Variants in CBLIF observed in about 807,000 individuals in gnomAD.
CBLIF encodes gastric intrinsic factor (vitamin B synthesis).
Under a neutral mutation model 44.9 loss-of-function variants are expected in CBLIF, and 24 were observed. The observed-to-expected ratio is 0.53, with a 90% CI of 0.39 to 0.75. The LOEUF (loss-of-function observed/expected upper bound fraction) is 0.75. CBLIF is among the 30% of genes least tolerant of loss of function. The pLI is 0.00. For synonymous variants in CBLIF, 183 were observed against 190.9 expected (o/e 0.96, Z 0.34); for missense variants, 481 against 513.0 (o/e 0.94, Z 0.60).
At chr11:59,842,821 G>A in intron 3 of CBLIF, 1 of 645,308 alleles carries the variant, frequency 1.5e-6, no homozygotes, top group Non-Finnish European at 2.8e-6. Context: ...ACAAGCTTGT[G>A]TCCTTGGGAT....
Position 59,835,356 on chromosome 11 carries a change from A to T in CBLIF, c.1073+452T>A, listed in dbSNP as rs12099236. ...GACGGGGTTTCACCATGTTGGTGAA[A>T]CTCCTGAGCTAAGATGATCCGCATG... On this transcript the variant is annotated intron_variant, in intron 7 of 8. Transcript: ENST00000257248. Among the ~76,000 whole-genome samples the T allele has an allele frequency of 6.9e-4, 103 of 149,612 alleles. 2 individuals carry two copies. The East Asian group carries it at 0.016, about 23-fold the overall frequency.
At chr11:59,838,814 AAGTTTATC>A (rs1866486438) in intron 5 of CBLIF, among the ~76,000 whole-genome samples, 1 of 151,712 alleles carries the variant, frequency 6.6e-6, no homozygotes, top group African/African-American at 2.4e-5. Flanking sequence ...TTCCATCAAG[AAGTTTATC>A]AGTTCTCTTT....
intron 5 of CBLIF, among the ~76,000 whole-genome samples, chr11:59,838,665 C>G (rs890722929): frequency 6.6e-6 from 1 of 152,118 alleles, no homozygotes; most frequent in African/African-American, 2.4e-5. Context: ...GGGTGCTCCT[C>G]AGCAACAATA....
At chr11:59,843,241 G>A (rs1253310774) in intron 2 of CBLIF, 100 bp from the exon 3 acceptor site, 2 of 747,040 alleles carry the variant, frequency 2.7e-6, no homozygotes, top group African/African-American at 3.5e-5. Context: ...AGAGCATTTT[G>A]ACTTTTTAAT....
intron 5 of CBLIF, among the ~76,000 whole-genome samples, chr11:59,837,878 A>G (rs1424466068): frequency 6.6e-6 from 1 of 152,188 alleles, no homozygotes; most frequent in East Asian, 1.9e-4. Context: ...ACATGTACTA[A>G]TCAGAATCAT....
chr11:59,842,534 C>T lies in CBLIF; in HGVS notation c.420G>A (p.Leu140=). ...CCTCAGAGTTCTTCTGGCACAGTGC[C>T]AAGATCGCTAGACTGGGCCCATAGA... The part of the protein sequence containing the change: ...SAFYGPSLAI[L]ALCQKNSEAT... The change falls in exon 4 of 9, where the codon TTG becomes TTA. Residue 140 remains leucine (L), a synonymous_variant. Coordinates refer to ENST00000257248, the MANE Select transcript of CBLIF (RefSeq NM_005142.3). 1.2e-6 allele frequency: 2 copies of T among 1,613,936 alleles called. No homozygotes were observed. The highest frequency in any genetic ancestry group is 1.7e-6 in the Non-Finnish European group (2 of 1,179,976).
chr11:59,829,344 T>G lies in CBLIF; in HGVS notation c.*140A>C. On this transcript the variant is annotated 3_prime_UTR_variant, in exon 9 of 9. Transcript: ENST00000257248. ...TCCAGTGAACTTTGCATTTTTATTC[T>G]ACATAGTGGTTCTCCATGTTTTTAC... is the stretch of plus-strand genomic sequence containing the variant. The G allele has an allele frequency of 1.5e-6, 1 of 681,380 alleles. No homozygotes were observed. Among genetic ancestry groups the G allele is most frequent in the South Asian group, 1.5e-5 (1 of 65,470 alleles). 42.2% of individuals were successfully genotyped at this position (681,380 alleles called of 1,614,324 possible). A position where few individuals can be genotyped will look rare whatever the true frequency, so the allele number is the denominator to read the frequency against.
intron 7 of CBLIF, among the ~76,000 whole-genome samples, chr11:59,835,506 T>A (rs548796868): frequency 2.0e-5 from 3 of 152,320 alleles, no homozygotes; most frequent in South Asian, 4.1e-4. Flanking sequence ...TCTTCCCACA[T>A]CTTCCTAAAT....
Position 59,843,166 on chromosome 11 carries a change from TAGAC to T in CBLIF, c.257-29_257-26del, listed in dbSNP as rs766779230. On this transcript the variant is annotated intron_variant, in intron 2 of 8. Transcript: ENST00000257248. ...TCTGCAGAGAAGAGAACACAACGGT[TAGAC>T]AGAGACATCCTCAGGGGACAGCTCT... 1.3e-4 allele frequency: 181 copies of T among 1,394,652 alleles called. 1 individual carries two copies. The highest frequency in any genetic ancestry group is 1.7e-4 in the Non-Finnish European group (170 of 980,492). The allele number at this position is 1,394,652 out of a possible 1,614,324, so 86.4% of individuals were successfully genotyped here.
intron 6 of CBLIF, among the ~76,000 whole-genome samples, chr11:59,836,376 T>A (rs1217061834): frequency 1.5e-4 from 23 of 152,156 alleles, no homozygotes; most frequent in Admixed American, 1.5e-3. Flanking sequence ...TGCTTTGTGT[T>A]AGCATTTTAT....
At chr11:59,839,862 T>C (rs192669279) in intron 5 of CBLIF, among the ~76,000 whole-genome samples, 1 of 151,660 alleles carries the variant, frequency 6.6e-6, no homozygotes, top group East Asian at 1.9e-4. Flanking sequence ...GGTGATAAAT[T>C]GAAGCAAGGT....
At position 59,837,164 on chromosome 11, in the gene CBLIF, G is replaced by T. The variant is rs1423108435; in HGVS notation, c.871+10C>A. ...CTGCTTTATGACATAAGGAGAGGTGGATGTCTTACCAGGACTACAAGTGAC... is the reference window on the plus strand; with the variant it reads ...CTGCTTTATGACATAAGGAGAGGTGTATGTCTTACCAGGACTACAAGTGAC... On this transcript the variant is annotated intron_variant, in intron 6 of 8. Transcript: ENST00000257248. The T allele has an allele frequency of 6.2e-7, 1 of 1,605,900 alleles. No individual in the cohort carries two copies.
At chr11:59,829,586 A>G in intron 8 of CBLIF, 41 bp from the exon 9 acceptor site, 2 of 1,238,358 alleles carry the variant, frequency 1.6e-6, no homozygotes, top group South Asian at 1.2e-5. Flanking sequence ...ACTGTGGTGC[A>G]TGTAACCACC....
chr11:59,831,788 G>T lies in CBLIF; in HGVS notation c.1082C>A (p.Thr361Asn), dbSNP rs1385551883. Reference protein sequence around the residue: ...QRKNPMFKFETTMTSWGLVVS... With the variant: ...QRKNPMFKFENTMTSWGLVVS... Reference sequence around the variant, plus strand: ...GACAAGGCCCCAAGATGTCATTGTGGTTTCAAATCTAAAAAAAAGTTTATA... The same window carrying T: ...GACAAGGCCCCAAGATGTCATTGTGTTTTCAAATCTAAAAAAAAGTTTATA... The change falls in exon 8 of 9, where the codon ACC becomes AAC. Residue 361 changes from threonine to asparagine, a missense_variant. Physicochemically the swap from Thr to Asn is moderately conservative, Grantham distance 65. Transcript: ENST00000257248. The T allele has an allele frequency of 2.6e-6, 4 of 1,565,448 alleles. No homozygotes were observed. The highest frequency in any genetic ancestry group is 2.6e-6 in the Non-Finnish European group (3 of 1,135,868).
At chr11:59,842,695 C>T (rs774157232) in intron 3 of CBLIF, 112 bp from the exon 4 acceptor site, 5 of 1,016,510 alleles carry the variant, frequency 4.9e-6, no homozygotes, top group African/African-American at 1.6e-5. Flanking sequence ...AACCTGCCCC[C>T]AAAGAGAGAC....
chr11:59,833,652 C>A (rs969164127), intron 7 of CBLIF, among the ~76,000 whole-genome samples: 2 of 152,112 alleles, frequency 1.3e-5, no homozygotes, highest in Non-Finnish European at 2.9e-5. Flanking sequence ...GGAATAGATA[C>A]CCACGTGGTA....
chr11:59,840,084 T>C (rs1866504689), intron 5 of CBLIF, among the ~76,000 whole-genome samples: 1 of 151,436 alleles, frequency 6.6e-6, no homozygotes, highest in Non-Finnish European at 1.5e-5. Flanking sequence ...TAGTCACTTC[T>C]ATATGTGGTC....
At position 59,832,078 on chromosome 11, in the gene CBLIF, A is replaced by C. The variant is rs533155459; in HGVS notation, c.1074-282T>G. On this transcript the variant is annotated intron_variant, in intron 7 of 8. Transcript: ENST00000257248. ...CTTTTGAGCATGATTTTATCTGATA[A>C]AATGATCAGATAAAATCAAATGAGA... is the stretch of plus-strand genomic sequence containing the variant. Among the ~76,000 whole-genome samples the C allele has an allele frequency of 2.0e-5, 3 of 152,310 alleles. No homozygotes were observed. In the South Asian group the frequency reaches 6.2e-4, roughly 32 times the overall value.
At chr11:59,834,303 T>TTCCTTCCTTCCTTCCTTCCTTC (rs1866421110) in intron 7 of CBLIF, among the ~76,000 whole-genome samples, 1 of 81,784 alleles carries the variant, frequency 1.2e-5, no homozygotes, top group African/African-American at 5.7e-5. Flanking sequence ...TTTCTTTCTT[T>TTCCTTCCTTCCTTCCTTCCTTC]CTTTCTTTCT....
Sources: allele counts gnomAD v4.1 joint callset (sites outside exome capture counted in the v4.1 genomes callset), GRCh38; gene constraint gnomAD v4.1.1; transcripts MANE v1.5; gene names NCBI Gene and HGNC (gene_info 2026-07-23, HGNC 2026-07-21).